The following CSMD3 variants were observed in gnomAD, a reference collection of about 807,000 sequenced individuals.
CSMD3 encodes the protein CUB and Sushi multiple domains 3.
In CSMD3, 177 loss-of-function variants were observed where a neutral mutation model predicts 435.2. That is an observed-to-expected ratio of 0.41 (90% CI 0.36 to 0.46). The LOEUF is 0.46. Among genes scored for constraint, CSMD3 ranks in the 20% least tolerant of loss-of-function variants. The pLI is 0.34. For missense variants in CSMD3, 4,265 were observed against 4,504.6 expected (o/e 0.95, Z 1.52); for synonymous variants, 1,656 against 1,520.5 (o/e 1.09, Z -2.07).
intron 9 of CSMD3, among the ~76,000 whole-genome samples, chr8:112,926,444 C>G (rs949735452): frequency 2.0e-5 from 3 of 152,040 alleles, no homozygotes; most frequent in African/African-American, 7.2e-5. Flanking sequence ...CATTTCAAAA[C>G]AAATGGCTGA....
chr8:113,173,053 G>A (rs977340869), intron 4 of CSMD3, among the ~76,000 whole-genome samples: 10 of 152,160 alleles, frequency 6.6e-5, no homozygotes, highest in Middle Eastern at 3.4e-3. Context: ...CCATGCTGTC[G>A]TCTATCAGAA....
intron 1 of CSMD3, among the ~76,000 whole-genome samples, chr8:113,377,938 A>G (rs1357356351): frequency 6.6e-6 from 1 of 152,188 alleles, no homozygotes; most frequent in Non-Finnish European, 1.5e-5. Flanking sequence ...GCTTTTTTGG[A>G]AGATTTTCAA....
rs555172856 is a variant in CSMD3 at position 112,401,251 on chromosome 8, C to T, written c.5809+5273G>A. ...AATAAAATTTATAGTCTCATATTCT[C>T]TATTCTATGTTTCACAAATATTCTC... On this transcript the variant is annotated intron_variant, in intron 35 of 70. Transcript: ENST00000297405. Among the ~76,000 whole-genome samples the T allele has an allele frequency of 8.5e-5, 13 of 152,114 alleles. No individual in the cohort carries two copies. In the South Asian group the frequency reaches 1.0e-3, roughly 12 times the overall value.
At chr8:112,293,115 G>C (rs1452354287) in intron 54 of CSMD3, among the ~76,000 whole-genome samples, 1 of 151,938 alleles carries the variant, frequency 6.6e-6, no homozygotes, top group African/African-American at 2.4e-5. Context: ...AACTAGCCAG[G>C]TGTGGTGACT....
intron 4 of CSMD3, among the ~76,000 whole-genome samples, chr8:113,125,045 T>A (rs985871498): frequency 6.6e-6 from 1 of 151,994 alleles, no homozygotes; most frequent in Non-Finnish European, 1.5e-5. Flanking sequence ...TTTCTAAACA[T>A]AGCATGCTGT....
chr8:113,413,706 A>C (rs1425267256), intron 1 of CSMD3, among the ~76,000 whole-genome samples: 3 of 152,242 alleles, frequency 2.0e-5, no homozygotes, highest in Non-Finnish European at 4.4e-5. Flanking sequence ...TTTTGAAGAA[A>C]ACATACTTGC....
chr8:113,317,769 C>G (rs1255946458), intron 1 of CSMD3, among the ~76,000 whole-genome samples: 1 of 151,970 alleles, frequency 6.6e-6, no homozygotes, highest in Non-Finnish European at 1.5e-5. Flanking sequence ...CTAGGCCTTT[C>G]CTAGGCACAA....
At chr8:112,509,079 T>C (rs1055972138) in intron 28 of CSMD3, among the ~76,000 whole-genome samples, 5 of 151,816 alleles carry the variant, frequency 3.3e-5, no homozygotes, top group African/African-American at 1.2e-4. Flanking sequence ...GAGTCTAGAT[T>C]AGATGTCTTT....
chr8:112,532,152 T>C (rs1338056102), intron 27 of CSMD3, among the ~76,000 whole-genome samples: 1 of 151,710 alleles, frequency 6.6e-6, no homozygotes, highest in East Asian at 1.9e-4. Flanking sequence ...ATTCATGACA[T>C]GGAAGATAGG....
chr8:112,569,633 T>C (rs1158441538), intron 24 of CSMD3, among the ~76,000 whole-genome samples: 1 of 152,092 alleles, frequency 6.6e-6, no homozygotes, highest in African/African-American at 2.4e-5. Context: ...ACAAAATAGA[T>C]AATGGAATAC....
At chr8:112,651,436 G>A (rs2075123509) in intron 18 of CSMD3, among the ~76,000 whole-genome samples, 1 of 151,928 alleles carries the variant, frequency 6.6e-6, no homozygotes, top group Admixed American at 6.6e-5. Flanking sequence ...TTATTTTAAT[G>A]AGAAACTAAA....
chr8:112,769,362 T>A (rs1254546191), intron 13 of CSMD3, among the ~76,000 whole-genome samples: 1 of 151,964 alleles, frequency 6.6e-6, no homozygotes, highest in East Asian at 1.9e-4. Flanking sequence ...CTACTAACTC[T>A]GTGAGCTTGT....
intron 4 of CSMD3, among the ~76,000 whole-genome samples, chr8:113,172,138 T>C (rs2092278892): frequency 6.6e-6 from 1 of 152,198 alleles, no homozygotes; most frequent in South Asian, 2.1e-4. Flanking sequence ...CCTTTATTTC[T>C]GACTCAACAG....
In CSMD3 at chr8:112,252,669, A is replaced by ATG. The variant is rs1286156228; in HGVS notation, c.10110+1582_10110+1583dup. ...TACAGATTTAGTTAACAGATTTAGT[A>ATG]TGTGTGTGTGTATATATATATATAT... On this transcript the variant is annotated intron_variant, in intron 63 of 70. Coordinates refer to ENST00000297405, the MANE Select transcript of CSMD3 (RefSeq NM_198123.2). Among the ~76,000 whole-genome samples the ATG allele has an allele frequency of 7.2e-5, 8 of 110,784 alleles. No homozygotes were observed. The East Asian group carries it at 8.2e-4, about 11-fold the overall frequency. The allele number at this position is 110,784 out of a possible 152,430, so 72.7% of individuals were successfully genotyped here.
chr8:112,784,330 T>TA (rs1046797881), intron 13 of CSMD3, among the ~76,000 whole-genome samples: 7 of 148,468 alleles, frequency 4.7e-5, no homozygotes, highest in South Asian at 2.2e-4. Context: ...ATCAAAAGAG[T>TA]AAAAAAACTT....
chr8:112,501,599 G>T (rs1430033631), intron 30 of CSMD3, among the ~76,000 whole-genome samples: 1 of 152,094 alleles, frequency 6.6e-6, no homozygotes, highest in African/African-American at 2.4e-5. Flanking sequence ...GTTTACATTG[G>T]TACAGCCTCT....
At chr8:112,262,674 A>G (rs901886146) in intron 61 of CSMD3, among the ~76,000 whole-genome samples, 2 of 152,132 alleles carry the variant, frequency 1.3e-5, no homozygotes, top group African/African-American at 4.8e-5. Context: ...TTCCAGGTAA[A>G]GTGAATAGTG....
rs773060695 is a variant in CSMD3 at position 112,552,571 on chromosome 8, T to C, written c.4361+23A>G. 6.2e-6 allele frequency: 10 copies of C among 1,607,878 alleles called. No individual in the cohort carries two copies. The Admixed American group carries it at 1.2e-4, about 19-fold the overall frequency. On this transcript the variant is annotated intron_variant, in intron 26 of 70. Coordinates refer to ENST00000297405, the MANE Select transcript of CSMD3 (RefSeq NM_198123.2). ...AGGCACTTCAGATTCCCTAGTAATG[T>C]TGAGAAAATGAAATTCATTTACCTG...
intron 13 of CSMD3, among the ~76,000 whole-genome samples, chr8:112,743,585 A>G (rs1292124101): frequency 6.6e-6 from 1 of 151,948 alleles, no homozygotes; most frequent in Non-Finnish European, 1.5e-5. Context: ...CCTTTGGGAA[A>G]TACCAAAATA....
Sources: gnomAD v4.1 joint callset for allele counts (sites outside exome capture counted in the v4.1 genomes callset) on GRCh38, gnomAD v4.1.1 for gene constraint, MANE v1.5 for transcripts, NCBI Gene and HGNC (gene_info 2026-07-23, HGNC 2026-07-21) for gene names.